The following RSPH14 variants were observed in gnomAD, a reference collection of about 807,000 sequenced individuals.
The protein encoded by RSPH14 is radial spoke head 14 homolog, also known as rhabdoid tumor deletion region gene 1.
In RSPH14, 20 loss-of-function variants were observed where a neutral mutation model predicts 26.7. The observed-to-expected ratio is 0.75, with a 90% confidence interval of 0.53 to 1.09. The LOEUF (loss-of-function observed/expected upper bound fraction) is 1.09. Among genes scored for constraint, RSPH14 ranks in the 50% least tolerant of loss-of-function variants. The pLI is 0.00. For synonymous variants in RSPH14, 177 were observed against 189.3 expected, an observed-to-expected ratio of 0.93 and a Z score of 0.53; for missense variants, 449 against 457.2, an observed-to-expected ratio of 0.98 and a Z score of 0.16.
At chr22:23,092,152 A>G (rs762926349) in intron 4 of RSPH14, among the ~76,000 whole-genome samples, 3 of 152,148 alleles carry the variant, frequency 2.0e-5, no homozygotes, top group Non-Finnish European at 2.9e-5. Context: ...CTCTTGGCCA[A>G]CCATCATCAG....
intron 2 of RSPH14, among the ~76,000 whole-genome samples, chr22:23,139,956 G>C (rs1224715148): frequency 6.6e-6 from 1 of 152,216 alleles, no homozygotes; most frequent in Non-Finnish European, 1.5e-5. Flanking sequence ...AGTTACTCAG[G>C]AAGCTGAAGC....
chr22:23,167,520 G>A, the RSPH14 span, among the ~76,000 whole-genome samples: 1 of 152,064 alleles, frequency 6.6e-6, no homozygotes, highest in Admixed American at 6.6e-5. Context: ...GGATCCATTC[G>A]ACTCACATTT....
At chr22:23,108,922 A>G (rs1376660707) in intron 4 of RSPH14, among the ~76,000 whole-genome samples, 2 of 152,232 alleles carry the variant, frequency 1.3e-5, no homozygotes, top group Non-Finnish European at 2.9e-5. Flanking sequence ...CATGCTGTGC[A>G]TGCTACAGGA....
intron 4 of RSPH14, among the ~76,000 whole-genome samples, chr22:23,093,790 G>A (rs764138646): frequency 1.9e-4 from 29 of 152,314 alleles, no homozygotes; most frequent in Non-Finnish European, 3.7e-4. Context: ...AAGGGAAAGA[G>A]GCGGCATTAG....
At chr22:23,104,318 G>A (rs1291908084) in intron 4 of RSPH14, among the ~76,000 whole-genome samples, 1 of 152,166 alleles carries the variant, frequency 6.6e-6, no homozygotes, top group Non-Finnish European at 1.5e-5. Context: ...CTGTGATGAC[G>A]GAGCCAGGGT....
intron 4 of RSPH14, among the ~76,000 whole-genome samples, chr22:23,077,302 C>T (rs887935275): frequency 2.6e-5 from 4 of 152,188 alleles, no homozygotes; most frequent in African/African-American, 9.7e-5. Context: ...CAGGTCATTG[C>T]TTGCTGACTG....
At position 23,135,539 on chromosome 22, in the gene RSPH14, C is replaced by A. The variant is rs1230507972; in HGVS notation, c.303-1395G>T. Among the ~76,000 whole-genome samples, 10 of 145,854 alleles carry A rather than the reference C, an allele frequency of 6.9e-5. No homozygotes were observed. The South Asian group carries it at 2.2e-3, about 32-fold the overall frequency. On this transcript the variant is annotated intron_variant, in intron 3 of 6. Coordinates refer to ENST00000216036, the MANE Select transcript of RSPH14 (RefSeq NM_014433.3). Reference sequence around the variant, plus strand: ...ATATAAATTAATAAATAAAAAGATTCTAGAAGGGTTTTGCATACAGGTTAT... The same window carrying A: ...ATATAAATTAATAAATAAAAAGATTATAGAAGGGTTTTGCATACAGGTTAT...
the RSPH14 span, among the ~76,000 whole-genome samples, chr22:23,169,773 T>C: frequency 1.1e-4 from 16 of 152,128 alleles, no homozygotes; most frequent in African/African-American, 3.6e-4. Context: ...GCAGAGCCAT[T>C]GCACCCACCC....
chr22:23,141,573 G>T (rs1188411124), intron 1 of RSPH14, among the ~76,000 whole-genome samples: 2 of 152,200 alleles, frequency 1.3e-5, no homozygotes, highest in African/African-American at 2.4e-5. Context: ...TGGCATACCA[G>T]GGCTTCAGCT....
At chr22:23,174,429 A>C in the RSPH14 span, among the ~76,000 whole-genome samples, 17 of 152,090 alleles carry the variant, frequency 1.1e-4, no homozygotes, top group South Asian at 2.1e-4. Context: ...TAAATAAATA[A>C]ATAATAGAAT....
chr22:23,084,910 G>A (rs546423426), intron 4 of RSPH14, among the ~76,000 whole-genome samples: 2 of 152,332 alleles, frequency 1.3e-5, no homozygotes, highest in South Asian at 4.1e-4. Context: ...GCATGTCCAG[G>A]TGACATCGCA....
chr22:23,141,665 TAA>T, intron 1 of RSPH14, among the ~76,000 whole-genome samples: 1 of 152,322 alleles, frequency 6.6e-6, no homozygotes, highest in African/African-American at 2.4e-5. Context: ...TCTACTCCAG[TAA>T]AAGGTAAGCC....
At chr22:23,086,476 T>G (rs1440175566) in intron 4 of RSPH14, among the ~76,000 whole-genome samples, 1 of 152,250 alleles carries the variant, frequency 6.6e-6, no homozygotes, top group Non-Finnish European at 1.5e-5. Context: ...CACGGGCCTC[T>G]GGACCTAGGT....
intron 4 of RSPH14, among the ~76,000 whole-genome samples, chr22:23,103,195 G>C (rs901243508): frequency 6.6e-6 from 1 of 152,188 alleles, no homozygotes; most frequent in African/African-American, 2.4e-5. Context: ...TTTGTGAGCT[G>C]TTTGACATTA....
chr22:23,134,021 C>T lies in RSPH14; in HGVS notation c.421+5G>A. 6.2e-7 allele frequency: 1 copy of T among 1,610,922 alleles called. No individual in the cohort carries two copies. Among genetic ancestry groups the T allele is most frequent in the South Asian group, 1.1e-5 (1 of 91,016 alleles). On this transcript the variant is annotated splice_donor_5th_base_variant and intron_variant, in intron 4 of 6. Coordinates refer to ENST00000216036, the MANE Select transcript of RSPH14 (RefSeq NM_014433.3). ...GACAGATCTGTGTGCAGGACGCAAGCCTACCTCTAGGCACCTGGACCAGCT... is the reference window on the plus strand; with the variant it reads ...GACAGATCTGTGTGCAGGACGCAAGTCTACCTCTAGGCACCTGGACCAGCT...
the RSPH14 span, chr22:23,156,022 G>C: frequency 1.9e-6 from 3 of 1,612,128 alleles, no homozygotes; most frequent in Non-Finnish European, 2.5e-6. Context: ...CCTACTACCG[G>C]GGTGCCCAGG....
upstream of RSPH14, among the ~76,000 whole-genome samples, chr22:23,149,206 C>CG (rs1555946432): frequency 4.0e-5 from 1 of 25,230 alleles, no homozygotes; most frequent in Non-Finnish European, 6.6e-5. Flanking sequence ...GGGTGGGGGG[C>CG]GGGGGGCGGG....
chr22:23,073,679 A>G (rs954344575), intron 4 of RSPH14, among the ~76,000 whole-genome samples: 4 of 152,222 alleles, frequency 2.6e-5, no homozygotes, highest in Non-Finnish European at 5.9e-5. Context: ...CCTAGAGCAC[A>G]TAGGAGGAGA....
At chr22:23,177,753 C>T in the RSPH14 span, among the ~76,000 whole-genome samples, 2 of 152,142 alleles carry the variant, frequency 1.3e-5, no homozygotes, top group Admixed American at 6.5e-5. Context: ...TAACAAAAAG[C>T]CATTTGCTAT....
Sources: gnomAD v4.1 joint callset for allele counts (sites outside exome capture counted in the v4.1 genomes callset) on GRCh38, gnomAD v4.1.1 for gene constraint, MANE v1.5 for transcripts, NCBI Gene and HGNC (gene_info 2026-07-23, HGNC 2026-07-21) for gene names.